Variants in CAST observed in about 807,000 individuals in gnomAD.
CAST encodes calpastatin.
Under a neutral mutation model 119.6 loss-of-function variants are expected in CAST, and 76 were observed. The observed-to-expected ratio is 0.64, with a 90% confidence interval of 0.53 to 0.77. The LOEUF is 0.77. Among genes scored for constraint, CAST ranks in the 30% least tolerant of loss-of-function variants. CAST has a pLI of 0.00. For missense variants in CAST, 953 were observed against 946.5 expected (o/e 1.01, Z -0.09); for synonymous variants, 319 against 331.6 (o/e 0.96, Z 0.41).
the CAST span, among the ~76,000 whole-genome samples, chr5:96,039,933 G>T: frequency 6.6e-6 from 1 of 152,196 alleles, no homozygotes; most frequent in South Asian, 2.1e-4. Flanking sequence ...GCTTGATGGG[G>T]ATAGCATGAA....
At chr5:96,079,601 C>T in the CAST span, among the ~76,000 whole-genome samples, 1 of 152,122 alleles carries the variant, frequency 6.6e-6, no homozygotes, top group African/African-American at 2.4e-5. Flanking sequence ...GAATTTCCTT[C>T]TCATTTCACA....
At chr5:96,497,293 C>T in the CAST span, among the ~76,000 whole-genome samples, 1 of 152,222 alleles carries the variant, frequency 6.6e-6, no homozygotes, top group East Asian at 1.9e-4. Context: ...CAAGTCTTTG[C>T]TATTGTGAAT....
At chr5:95,983,648 A>T in the CAST span, among the ~76,000 whole-genome samples, 1 of 152,286 alleles carries the variant, frequency 6.6e-6, no homozygotes, top group Middle Eastern at 3.4e-3. Context: ...CTTCATAATC[A>T]CATGTTACTT....
chr5:96,117,377 T>C, the CAST span, among the ~76,000 whole-genome samples: 1 of 152,206 alleles, frequency 6.6e-6, no homozygotes, highest in Non-Finnish European at 1.5e-5. Context: ...GCTCATCACA[T>C]AACCCTGTCA....
At chr5:96,422,024 C>T in the CAST span, 1 of 753,450 alleles carries the variant, frequency 1.3e-6, no homozygotes, top group Non-Finnish European at 2.2e-6. Flanking sequence ...AAAAAAGCAT[C>T]ACTTCCCAAG....
the CAST span, among the ~76,000 whole-genome samples, chr5:95,995,309 T>C: frequency 6.6e-6 from 1 of 152,168 alleles, no homozygotes; most frequent in East Asian, 1.9e-4. Context: ...TTTTATATCC[T>C]GACAGAGAAG....
the CAST span, among the ~76,000 whole-genome samples, chr5:96,219,682 AGGAAGGAAG>A: frequency 6.6e-6 from 1 of 151,900 alleles, no homozygotes; most frequent in South Asian, 2.1e-4. Context: ...AATAAAAAGA[AGGAAGGAAG>A]GGAAGGAAGG....
At chr5:96,553,376 A>G (rs189484429) in intron 1 of CAST, among the ~76,000 whole-genome samples, 93 of 152,358 alleles carry the variant, frequency 6.1e-4, no homozygotes, top group East Asian at 3.9e-3. Flanking sequence ...TCATGCTAAA[A>G]ACTCTCATAA....
intron 1 of CAST, among the ~76,000 whole-genome samples, chr5:96,579,051 A>G (rs1746725131): frequency 1.3e-5 from 2 of 152,184 alleles, no homozygotes; most frequent in South Asian, 4.1e-4. Context: ...CTGTCTCTCC[A>G]TGGAGGAAGA....
At chr5:96,052,135 T>C in the CAST span, among the ~76,000 whole-genome samples, 1 of 152,186 alleles carries the variant, frequency 6.6e-6, no homozygotes. Flanking sequence ...TAAAATAAAA[T>C]ATTAAATAAA....
chr5:96,268,625 G>T, the CAST span, among the ~76,000 whole-genome samples: 4 of 152,034 alleles, frequency 2.6e-5, no homozygotes, highest in South Asian at 8.3e-4. Flanking sequence ...AAAAATAAAA[G>T]GCACAGCATA....
the CAST span, among the ~76,000 whole-genome samples, chr5:96,253,191 A>T: frequency 6.6e-6 from 1 of 152,110 alleles, no homozygotes; most frequent in Non-Finnish European, 1.5e-5. Context: ...TTCTTTACAT[A>T]GTCCATTGCA....
intron 1 of CAST, among the ~76,000 whole-genome samples, chr5:96,530,607 A>G (rs1030998643): frequency 6.6e-6 from 1 of 152,102 alleles, no homozygotes; most frequent in East Asian, 1.9e-4. Context: ...AAACTCAGAT[A>G]TTGAGCTATC....
the CAST span, among the ~76,000 whole-genome samples, chr5:96,303,855 G>A: frequency 1.3e-5 from 2 of 152,104 alleles, no homozygotes; most frequent in Non-Finnish European, 2.9e-5. Context: ...ATCATTAATG[G>A]GCATTTGGGT....
the CAST span, chr5:96,397,607 G>A: frequency 6.7e-6 from 5 of 743,504 alleles, no homozygotes; most frequent in East Asian, 1.3e-4. Context: ...CCAGGATAGA[G>A]ACACTCACAA....
chr5:96,587,863 G>T (rs923825493), intron 1 of CAST, among the ~76,000 whole-genome samples: 8 of 152,184 alleles, frequency 5.3e-5, no homozygotes, highest in Non-Finnish European at 1.2e-4. Context: ...CTGCTTAACT[G>T]TTTCAGAGAG....
chr5:96,423,342 A>G, the CAST span: 1 of 1,612,528 alleles, frequency 6.2e-7, no homozygotes, highest in Admixed American at 1.7e-5. Context: ...GTGTGATTCC[A>G]CTCCAAACCA....
chr5:96,470,453 CA>C, the CAST span, among the ~76,000 whole-genome samples: 1 of 151,858 alleles, frequency 6.6e-6, no homozygotes, highest in East Asian at 1.9e-4. Flanking sequence ...GGAGAGGAAA[CA>C]AGACCAGCAT....
chr5:96,531,089 C>A (rs1168665199), intron 1 of CAST, among the ~76,000 whole-genome samples: 1 of 152,114 alleles, frequency 6.6e-6, no homozygotes, highest in Admixed American at 6.5e-5. Flanking sequence ...CACTGCACCC[C>A]ACTGCAAATA....
Sources: allele counts gnomAD v4.1 joint callset (sites outside exome capture counted in the v4.1 genomes callset), GRCh38; gene constraint gnomAD v4.1.1; transcripts MANE v1.5; gene names NCBI Gene and HGNC (gene_info 2026-07-23, HGNC 2026-07-21).